Variants in RPGRIP1 observed in about 807,000 individuals in gnomAD.
RPGRIP1 encodes the protein X-linked retinitis pigmentosa GTPase regulator-interacting protein 1.
Under a neutral mutation model 157.9 loss-of-function variants are expected in RPGRIP1, and 128 were observed. The observed-to-expected ratio is 0.81, with a 90% CI of 0.70 to 0.94. The LOEUF is 0.94. Among genes scored for constraint, RPGRIP1 ranks in the 40% least tolerant of loss-of-function variants. The pLI, the probability that RPGRIP1 is intolerant of heterozygous loss-of-function variation, is 0.00. For synonymous variants in RPGRIP1, 554 were observed against 571.6 expected (o/e 0.97, Z 0.44); for missense variants, 1,486 against 1,545.8 (o/e 0.96, Z 0.65).
intron 24 of RPGRIP1, among the ~76,000 whole-genome samples, chr14:21,350,442 T>C (rs1886126079): frequency 6.6e-6 from 1 of 151,800 alleles, no homozygotes; most frequent in Admixed American, 6.6e-5. Context: ...CTTGTGAAAC[T>C]TGTTTTATGT....
rs112433443 is a variant in RPGRIP1 at position 21,328,034 on chromosome 14, G to A, written c.2895+227G>A. ...AAATACAAAAAATTAGCTGGGCGTG[G>A]TGGCACATGCCTGTAATCCCAGCTA... On this transcript the variant is annotated intron_variant, in intron 18 of 24. Transcript: ENST00000400017. 3.7e-3 allele frequency among the ~76,000 whole-genome samples: 565 copies of A among 152,314 alleles called. 3 individuals are homozygous for A. Among genetic ancestry groups the A allele is most frequent in the African/African-American group, 0.013 (541 of 41,576 alleles).
chr14:21,315,423 C>T (rs1362196375), intron 10 of RPGRIP1, among the ~76,000 whole-genome samples: 32 of 150,758 alleles, frequency 2.1e-4, no homozygotes, highest in African/African-American at 4.6e-4. Context: ...AGGACAATGT[C>T]GTGAATCCGG....
chr14:21,321,873 T>C lies in RPGRIP1; in HGVS notation c.1631T>C (p.Met544Thr). The C allele has an allele frequency of 1.2e-6, 2 of 1,612,890 alleles. No homozygotes were observed. Among genetic ancestry groups the C allele is most frequent in the Non-Finnish European group, 1.7e-6 (2 of 1,179,544 alleles). ...VCYQEELEAMMTKADNDNRDH... is the reference protein window; with the variant it reads ...VCYQEELEAMTTKADNDNRDH... ...TTTCAGGAGGAACTGGAGGCAATGATGACAAAAGCTGACAATGATAATAGA... is the reference window on the plus strand; with the variant it reads ...TTTCAGGAGGAACTGGAGGCAATGACGACAAAAGCTGACAATGATAATAGA... Residue 544 changes from methionine to threonine, a missense_variant, in exon 14 of 25, where the codon ATG becomes ACG. Transcript: ENST00000400017.
intron 10 of RPGRIP1, among the ~76,000 whole-genome samples, chr14:21,313,942 TTC>T (rs1387730207): frequency 6.3e-5 from 9 of 143,418 alleles, no homozygotes; most frequent in Non-Finnish European, 1.2e-4. Context: ...TTCACTTTTA[TTC>T]TTTTTTTTTT....
chr14:21,296,951 TAAA>T (rs34451423), intron 3 of RPGRIP1, among the ~76,000 whole-genome samples: 2 of 116,050 alleles, frequency 1.7e-5, no homozygotes, highest in African/African-American at 3.1e-5. Flanking sequence ...AGACTCCATC[TAAA>T]AAAAAAAAAA....
intron 3 of RPGRIP1, among the ~76,000 whole-genome samples, chr14:21,300,637 T>C (rs1880981208): frequency 6.6e-6 from 1 of 151,648 alleles, no homozygotes; most frequent in Non-Finnish European, 1.5e-5. Flanking sequence ...GACAATTTAT[T>C]AGTACAAAAA....
At chr14:21,303,565 C>A (rs748241938) in intron 6 of RPGRIP1, 22 bp downstream of exon 6, 5 of 1,567,930 alleles carry the variant, frequency 3.2e-6, no homozygotes, top group African/African-American at 1.4e-5. Flanking sequence ...GCACTCCATG[C>A]CTCAAACCAA....
intron 3 of RPGRIP1, among the ~76,000 whole-genome samples, chr14:21,296,955 A>G (rs1880809499): frequency 6.6e-6 from 1 of 151,666 alleles, no homozygotes; most frequent in South Asian, 2.1e-4. Context: ...TCCATCTAAA[A>G]AAAAAAAAAA....
intron 17 of RPGRIP1, 39 bp from the exon 18 acceptor site, chr14:21,327,584 C>T (rs776487360): frequency 6.4e-7 from 1 of 1,570,628 alleles, no homozygotes; most frequent in South Asian, 1.1e-5. Flanking sequence ...TTGCTTATTT[C>T]ATGTGATCAG....
intron 10 of RPGRIP1, chr14:21,317,444 G>T: frequency 1.2e-6 from 1 of 801,036 alleles, no homozygotes; most frequent in Non-Finnish European, 1.9e-6. Context: ...CTTGGGAAAT[G>T]GATATGACTT....
chr14:21,324,945 C>T lies in RPGRIP1; in HGVS notation c.2090C>T (p.Ala697Val). Residue 697 changes from alanine to valine, a missense_variant, in exon 15 of 25, where the codon GCT becomes GTT. Ala to Val is a moderately conservative substitution (Grantham distance 64). Coordinates refer to ENST00000400017, the MANE Select transcript of RPGRIP1 (RefSeq NM_020366.4). ...DSLFLHYLQE[A>V]SARLDIHQAM... ...CTTTTCTTACACTACCTTCAAGAGG[C>T]TTCAGCCCGGCTTGACATACACCAG... 3 of 1,614,040 alleles carry T rather than the reference C, an allele frequency of 1.9e-6. No homozygotes were observed. Among genetic ancestry groups the T allele is most frequent in the Non-Finnish European group, 2.5e-6 (3 of 1,179,890 alleles).
chr14:21,309,431 G>T (rs1412727946), intron 7 of RPGRIP1, among the ~76,000 whole-genome samples: 1 of 152,100 alleles, frequency 6.6e-6, no homozygotes. Flanking sequence ...AGGATTGCTT[G>T]AGTGCTTGAG....
rs1238848849 is a variant in RPGRIP1 at position 21,327,608 on chromosome 14, CTGTT to C, written c.2711-9_2711-6del. On this transcript the variant is annotated splice_polypyrimidine_tract_variant and intron_variant, in intron 17 of 24. Transcript: ENST00000400017. ...TCATGTGATCAGGTCTTATTAATAT[CTGTT>C]TGTTTCTCAGGTGATTTTAACCTCA... is the stretch of plus-strand genomic sequence containing the variant. 2 of 1,611,434 alleles carry C rather than the reference CTGTT, an allele frequency of 1.2e-6. No individual in the cohort carries two copies. Among genetic ancestry groups the C allele is most frequent in the East Asian group, 2.2e-5 (1 of 44,864 alleles).
chr14:21,305,359 G>C (rs1389035722), intron 6 of RPGRIP1, among the ~76,000 whole-genome samples: 1 of 152,128 alleles, frequency 6.6e-6, no homozygotes, highest in African/African-American at 2.4e-5. Context: ...ATTTAAGCTT[G>C]CTCCATGTCT....
intron 4 of RPGRIP1, among the ~76,000 whole-genome samples, chr14:21,301,668 T>G (rs1003152465): frequency 7.8e-5 from 11 of 141,868 alleles, no homozygotes; most frequent in Non-Finnish European, 1.2e-4. Context: ...AGAGCGAGAC[T>G]CTGTCTCAAA....
At chr14:21,313,616 T>C (rs4981371) in intron 10 of RPGRIP1, among the ~76,000 whole-genome samples, 82,647 of 151,552 alleles carry the variant, frequency 0.55, 22,632 homozygotes, top group South Asian at 0.62. Context: ...GATGAAGCCC[T>C]GTGTCTACTA....
chr14:21,328,891 C>T (rs1883402521), intron 19 of RPGRIP1, among the ~76,000 whole-genome samples: 1 of 152,128 alleles, frequency 6.6e-6, no homozygotes, highest in Non-Finnish European at 1.5e-5. Context: ...CGCCTGTAAT[C>T]CCAACACTTT....
chr14:21,304,875 C>T (rs1881232157), intron 6 of RPGRIP1, among the ~76,000 whole-genome samples: 1 of 151,774 alleles, frequency 6.6e-6, no homozygotes, highest in South Asian at 2.1e-4. Context: ...GATCTCGGCT[C>T]ACTGCAAGCT....
chr14:21,328,693 A>G, intron 19 of RPGRIP1, 66 bp downstream of exon 19: 1 of 1,155,256 alleles, frequency 8.7e-7, no homozygotes, highest in Non-Finnish European at 1.3e-6. Flanking sequence ...TATTATTCTC[A>G]GAGGTAGAAG....
Sources: gnomAD v4.1 joint callset for allele counts (sites outside exome capture counted in the v4.1 genomes callset) on GRCh38, gnomAD v4.1.1 for gene constraint, MANE v1.5 for transcripts, NCBI Gene and HGNC (gene_info 2026-07-23, HGNC 2026-07-21) for gene names.